CREG2: variants seen among roughly 807,000 people sequenced by gnomAD.
The protein encoded by CREG2 is cellular repressor of E1A stimulated genes 2, also known as protein CREG2.
A neutral mutation model predicts 26.2 loss-of-function variants in CREG2; 24 were observed. The ratio of observed to expected loss-of-function variants is 0.92; its 90% CI spans 0.66 to 1.29. The LOEUF is 1.29. Among genes scored for constraint, CREG2 ranks in the 50% most tolerant of loss-of-function variants. The pLI is 0.00. For missense variants in CREG2, 366 were observed against 398.6 expected (o/e 0.92, Z 0.70); for synonymous variants, 174 against 169.2 (o/e 1.03, Z -0.22).
intron 2 of CREG2, among the ~76,000 whole-genome samples, chr2:101,373,326 A>G (rs1160262195): frequency 6.6e-6 from 1 of 152,244 alleles, no homozygotes; most frequent in Non-Finnish European, 1.5e-5. Context: ...CTACAACATG[A>G]TGAACCTTGA....
At chr2:101,364,925 G>A (rs1233776299) in intron 2 of CREG2, among the ~76,000 whole-genome samples, 2 of 152,204 alleles carry the variant, frequency 1.3e-5, no homozygotes, top group Admixed American at 1.3e-4. Flanking sequence ...TCGTGATGGG[G>A]GCAAAGGGTT....
In CREG2 at chr2:101,387,414, C is replaced by T; in HGVS notation, c.44G>A (p.Arg15His). 6 of 1,020,272 alleles carry T rather than the reference C, an allele frequency of 5.9e-6. No individual in the cohort carries two copies. The highest frequency in any genetic ancestry group is 7.4e-6 in the Non-Finnish European group (6 of 808,858). 63.2% of individuals were successfully genotyped at this position (1,020,272 alleles called of 1,614,324 possible). Residue 15 changes from arginine to histidine, a missense_variant, in exon 1 of 4, where the codon CGC becomes CAC. Transcript: ENST00000324768. This position sits in a 1 kb window ranked among gnomAD's most constrained non-coding sequence, Gnocchi z 4.7. Reference protein sequence around the residue: ...RGRRPARPGTRLSWLLCCSAL... With the variant: ...RGRRPARPGTHLSWLLCCSAL... ...GCTGCAGCACAGCAGCCAGGAGAGGCGGGTCCCCGGCCGCGCCGGCCGCCG... is the reference window on the plus strand; with the variant it reads ...GCTGCAGCACAGCAGCCAGGAGAGGTGGGTCCCCGGCCGCGCCGGCCGCCG...
chr2:101,383,507 G>T, intron 2 of CREG2, 26 bp downstream of exon 2: 1 of 1,612,402 alleles, frequency 6.2e-7, no homozygotes, highest in Non-Finnish European at 8.5e-7. Flanking sequence ...CAGGACCCGT[G>T]TGAGTGAGGG....
chr2:101,368,163 C>T (rs1684647828), intron 2 of CREG2, among the ~76,000 whole-genome samples: 1 of 151,958 alleles, frequency 6.6e-6, no homozygotes, highest in Non-Finnish European at 1.5e-5. Context: ...TGGCGTGCAC[C>T]TGTGTTCCCA....
At chr2:101,353,174 C>T (rs913440149) in intron 3 of CREG2, among the ~76,000 whole-genome samples, 2 of 152,044 alleles carry the variant, frequency 1.3e-5, no homozygotes, top group African/African-American at 2.4e-5. Flanking sequence ...TCAGATGGGT[C>T]GATTGAAAAA....
chr2:101,353,740 T>C (rs920816115), intron 3 of CREG2, among the ~76,000 whole-genome samples: 1 of 152,018 alleles, frequency 6.6e-6, no homozygotes, highest in Non-Finnish European at 1.5e-5. Flanking sequence ...ATAGACTGGA[T>C]AAAGAAAATG....
chr2:101,376,060 CT>C, intron 2 of CREG2: 1 of 208,650 alleles, frequency 4.8e-6, no homozygotes, highest in Admixed American at 4.3e-5. Flanking sequence ...AAGCTCTGAT[CT>C]TTTTGATGGA....
intron 2 of CREG2, among the ~76,000 whole-genome samples, chr2:101,377,384 C>T (rs1479312276): frequency 6.6e-6 from 1 of 152,144 alleles, no homozygotes; most frequent in Non-Finnish European, 1.5e-5. Flanking sequence ...ACAGACGAGT[C>T]CTCCCCGGTC....
Position 101,351,004 on chromosome 2 carries a change from A to T in CREG2, c.792T>A (p.His264Gln). 1.2e-6 allele frequency: 2 copies of T among 1,614,202 alleles called. No individual in the cohort carries two copies. Among genetic ancestry groups the T allele is most frequent in the Non-Finnish European group, 1.7e-6 (2 of 1,180,030 alleles). The part of the protein sequence containing the change: ...EWFFMKMRIE[H>Q]IWLQKWYGGA... ...CTCCATACCATTTCTGAAGCCAGAT[A>T]TGTTCTATCCTCATCTTCATAAAGA... is the stretch of plus-strand genomic sequence containing the variant. The change falls in exon 4 of 4, where the codon CAT becomes CAA. Residue 264 changes from histidine (H) to glutamine (Q), a missense_variant. Physicochemically the swap from His to Gln is conservative, Grantham distance 24. Coordinates refer to ENST00000324768, the MANE Select transcript of CREG2 (RefSeq NM_153836.4).
intron 2 of CREG2, among the ~76,000 whole-genome samples, chr2:101,359,647 C>T (rs1684512461): frequency 6.6e-6 from 1 of 152,142 alleles, no homozygotes; most frequent in Non-Finnish European, 1.5e-5. Context: ...TGGGATTGGG[C>T]CCTCTCCTGG....
chr2:101,363,184 A>G (rs1333665002), intron 2 of CREG2, among the ~76,000 whole-genome samples: 1 of 152,252 alleles, frequency 6.6e-6, no homozygotes, highest in African/African-American at 2.4e-5. Flanking sequence ...TTTCATGCCC[A>G]AGGCATGGAC....
rs1190197984 is a variant in CREG2 at position 101,376,482 on chromosome 2, G to A, written c.611+7051C>T. Among the ~76,000 whole-genome samples the A allele has an allele frequency of 4.6e-5, 7 of 152,258 alleles. No homozygotes were observed. The East Asian group carries it at 1.4e-3, about 29-fold the overall frequency. ...TTTAGTAGAGACAGGGTTTCACCAT[G>A]TTGGCCAGGTGGGTCTTGAACTCCT... On this transcript the variant is annotated intron_variant, in intron 2 of 3. Coordinates refer to ENST00000324768, the MANE Select transcript of CREG2 (RefSeq NM_153836.4).
rs2104491695 is a variant in CREG2 at position 101,387,319 on chromosome 2, C to A, written c.139G>T (p.Asp47Tyr). ...GTGGAGGCGCTGTCCAGCTCCTCGT[C>A]CACCTCGTTGGTGACGGCCCAAGAC... ...SVSWAVTNEV[D>Y]EELDSASTEE... Residue 47 changes from aspartate (D) to tyrosine (Y), a missense_variant, in exon 1 of 4, where the codon GAC becomes TAC. This residue lies in a region of CREG2 where 177 missense variants were observed against 183.3 expected (regional missense o/e 0.97). Coordinates refer to ENST00000324768, the MANE Select transcript of CREG2 (RefSeq NM_153836.4). This position sits in a 1 kb window ranked among gnomAD's most constrained non-coding sequence, Gnocchi z 4.7. The A allele has an allele frequency of 6.7e-7, 1 of 1,498,216 alleles. No homozygotes were observed. Among genetic ancestry groups the A allele is most frequent in the East Asian group, 2.8e-5 (1 of 36,144 alleles). 92.8% of individuals were successfully genotyped at this position (1,498,216 alleles called of 1,614,324 possible). A position where few individuals can be genotyped will look rare whatever the true frequency, so the allele number is the denominator to read the frequency against.
At chr2:101,370,637 G>A (rs918826240) in intron 2 of CREG2, among the ~76,000 whole-genome samples, 30 of 152,116 alleles carry the variant, frequency 2.0e-4, no homozygotes, top group Admixed American at 1.4e-3. Flanking sequence ...GTGCAGATCC[G>A]AAGGCCCTTA....
In CREG2 at chr2:101,348,023, A is replaced by T. The variant is rs147879370; in HGVS notation, c.*2900T>A. 3 of 152,158 alleles carry T rather than the reference A, an allele frequency of 2.0e-5. No homozygotes were observed. The highest frequency in any genetic ancestry group is 4.8e-5 in the African/African-American group (2 of 41,440). 9.4% of individuals were successfully genotyped at this position (152,158 alleles called of 1,614,324 possible). A position where few individuals can be genotyped will look rare whatever the true frequency, so the allele number is the denominator to read the frequency against. On this transcript the variant is annotated 3_prime_UTR_variant, in exon 4 of 4. Coordinates refer to ENST00000324768, the MANE Select transcript of CREG2 (RefSeq NM_153836.4). ...AGTCCAAGGTTCATTTTATTTTCCT[A>T]TGGATGTCCACTTACTCCACACTTA... is the stretch of plus-strand genomic sequence containing the variant.
Position 101,386,951 on chromosome 2 carries a change from C to T in CREG2, c.441+66G>A, listed in dbSNP as rs1006053784. The T allele has an allele frequency of 1.8e-5, 22 of 1,226,700 alleles. No homozygotes were observed. The African/African-American group carries it at 2.8e-4, about 16-fold the overall frequency. The allele number at this position is 1,226,700 out of a possible 1,614,324, so 76.0% of individuals were successfully genotyped here. The stretch of plus-strand genomic sequence containing the variant: ...AGTCCCGAGCGGTCGCGAGCACGTC[C>T]CTGTCCCCGTCCCCCGGCCGCCGCC... On this transcript the variant is annotated intron_variant, in intron 1 of 3. Coordinates refer to ENST00000324768, the MANE Select transcript of CREG2 (RefSeq NM_153836.4).
chr2:101,354,699 T>C (rs1488270560), intron 3 of CREG2, among the ~76,000 whole-genome samples: 1 of 152,142 alleles, frequency 6.6e-6, no homozygotes, highest in African/African-American at 2.4e-5. Context: ...CCCCTCTCAC[T>C]TGTGTGGACC....
rs1255313013 is a variant in CREG2 at position 101,387,223 on chromosome 2, G to C, written c.235C>G (p.His79Asp). 1.7e-5 allele frequency: 24 copies of C among 1,423,304 alleles called. No homozygotes were observed. Among genetic ancestry groups the C allele is most frequent in the Non-Finnish European group, 2.1e-5 (23 of 1,076,126 alleles). The allele number at this position is 1,423,304 out of a possible 1,614,324, so 88.2% of individuals were successfully genotyped here. ...IWQQSFPASAHKEDAHLRPRA... is the reference protein window; with the variant it reads ...IWQQSFPASADKEDAHLRPRA... ...GGCCGCAGGTGCGCGTCCTCCTTGT[G>C]GGCAGAGGCGGGGAAGCTTTGCTGC... Residue 79 changes from histidine (H) to aspartate (D), a missense_variant, in exon 1 of 4, where the codon CAC (histidine) becomes GAC (aspartate). Transcript: ENST00000324768. This position sits in a 1 kb window ranked among gnomAD's most constrained non-coding sequence, Gnocchi z 4.7.
At chr2:101,375,914 T>C in intron 2 of CREG2, 1 of 160,354 alleles carries the variant, frequency 6.2e-6, no homozygotes, top group Non-Finnish European at 1.4e-5. Flanking sequence ...AAGTCGTTAC[T>C]GACTGTGTTC....
Sources: allele counts gnomAD v4.1 joint callset (sites outside exome capture counted in the v4.1 genomes callset), GRCh38; gene constraint gnomAD v4.1.1; regional missense constraint gnomAD v4.1.1; non-coding constraint Gnocchi (gnomAD v3.1); transcripts MANE v1.5; gene names NCBI Gene and HGNC (gene_info 2026-07-23, HGNC 2026-07-21).